MBTPS1: variants seen among roughly 807,000 people sequenced by gnomAD.
MBTPS1 encodes membrane-bound transcription factor site-1 protease.
MBTPS1 carries 94 observed loss-of-function variants against 127.8 expected under a neutral mutation model. The observed-to-expected ratio is 0.74, with a 90% CI of 0.62 to 0.87. MBTPS1 has a LOEUF of 0.87. MBTPS1 is among the 40% of genes least tolerant of loss of function. The probability of loss-of-function intolerance (pLI) is 0.00; values close to 1 mark genes in which losing one functional copy is unlikely to be tolerated. For synonymous variants in MBTPS1, 632 were observed against 509.4 expected, an observed-to-expected ratio of 1.24 and a Z score of -3.24; for missense variants, 1,636 against 1,353.2, an observed-to-expected ratio of 1.21 and a Z score of -3.28.
chr16:84,104,098 T>C (rs1269957199), intron 1 of MBTPS1, among the ~76,000 whole-genome samples: 2 of 152,192 alleles, frequency 1.3e-5, no homozygotes, highest in South Asian at 2.1e-4. Context: ...ACATGAAGCA[T>C]GTATCTAGCT....
intron 2 of MBTPS1, among the ~76,000 whole-genome samples, chr16:84,100,052 G>A (rs891298520): frequency 6.6e-6 from 1 of 152,162 alleles, no homozygotes; most frequent in Non-Finnish European, 1.5e-5. Context: ...TCAAACTTTA[G>A]AACATAAACA....
intron 2 of MBTPS1, 68 bp downstream of exon 2, chr16:84,101,553 A>G: frequency 7.3e-7 from 1 of 1,364,390 alleles, no homozygotes; most frequent in Non-Finnish European, 1.0e-6. Context: ...AGCAATAGCT[A>G]ATTTTATATT....
chr16:84,094,810 C>T (rs1417535698), intron 4 of MBTPS1, among the ~76,000 whole-genome samples: 1 of 151,900 alleles, frequency 6.6e-6, no homozygotes, highest in African/African-American at 2.4e-5. Flanking sequence ...AATGCCAGTC[C>T]ACCGGGTATT....
At chr16:84,082,892 G>A (rs1399828702) in intron 10 of MBTPS1, among the ~76,000 whole-genome samples, 1 of 152,186 alleles carries the variant, frequency 6.6e-6, no homozygotes, top group African/African-American at 2.4e-5. Flanking sequence ...GCTGGAGCTC[G>A]GGAGGCCCGC....
At chr16:84,114,989 C>A (rs1010625855) in intron 1 of MBTPS1, among the ~76,000 whole-genome samples, 9 of 151,802 alleles carry the variant, frequency 5.9e-5, no homozygotes, top group African/African-American at 2.2e-4. Flanking sequence ...AATGCAGCGG[C>A]GTGATCTTGG....
chr16:84,113,125 C>A lies in MBTPS1; in HGVS notation c.-325+3610G>T, dbSNP rs150595390. On this transcript the variant is annotated intron_variant, in intron 1 of 22. Transcript: ENST00000343411. ...CTACAAATTGTTCTCAAAGATCTGTCTACAGCTACTTGCCAGCCTAAGGAA... is the reference window on the plus strand; with the variant it reads ...CTACAAATTGTTCTCAAAGATCTGTATACAGCTACTTGCCAGCCTAAGGAA... Among the ~76,000 whole-genome samples the A allele has an allele frequency of 1.4e-3, 207 of 152,208 alleles. 3 individuals carry two copies. The East Asian group carries it at 0.037, about 27-fold the overall frequency.
At chr16:84,085,910 T>C (rs1468221820) in intron 9 of MBTPS1, 1 of 152,148 alleles carries the variant, frequency 6.6e-6, no homozygotes, top group African/African-American at 2.4e-5. Context: ...TATGAGTGGA[T>C]GTTTCAAACG....
At chr16:84,112,373 A>G (rs973441015) in intron 1 of MBTPS1, among the ~76,000 whole-genome samples, 5 of 152,150 alleles carry the variant, frequency 3.3e-5, no homozygotes, top group African/African-American at 1.2e-4. Context: ...GTATTTTTAA[A>G]AACTTTTCAA....
chr16:84,068,764 T>C (rs1274464150), intron 14 of MBTPS1, among the ~76,000 whole-genome samples: 2 of 152,208 alleles, frequency 1.3e-5, no homozygotes, highest in African/African-American at 4.8e-5. Context: ...TTCAAGTAAA[T>C]TGCTGGCAAC....
intron 2 of MBTPS1, among the ~76,000 whole-genome samples, chr16:84,099,847 G>A (rs962694638): frequency 5.9e-5 from 9 of 151,298 alleles, no homozygotes; most frequent in Non-Finnish European, 8.8e-5. Context: ...CCAGATACCC[G>A]TGATATTTTT....
chr16:84,054,816 TAA>T (rs1376803914), intron 22 of MBTPS1, among the ~76,000 whole-genome samples, 171 bp from the exon 23 acceptor site: 1 of 152,166 alleles, frequency 6.6e-6, no homozygotes, highest in Non-Finnish European at 1.5e-5. Flanking sequence ...AGGCTATTAA[TAA>T]AGAGTGGATG....
At chr16:84,098,395 G>C (rs886177806) in intron 3 of MBTPS1, among the ~76,000 whole-genome samples, 2 of 152,220 alleles carry the variant, frequency 1.3e-5, no homozygotes, top group Non-Finnish European at 2.9e-5. Flanking sequence ...CAGATCACCT[G>C]AGGTCAGGAG....
At chr16:84,070,153 T>C (rs540311405) in intron 13 of MBTPS1, 115 bp from the exon 14 acceptor site, 12 of 869,656 alleles carry the variant, frequency 1.4e-5, no homozygotes, top group Non-Finnish European at 1.9e-5. Flanking sequence ...ACACAAGAAT[T>C]TCCAATAACA....
intron 11 of MBTPS1, among the ~76,000 whole-genome samples, chr16:84,077,664 TTC>T (rs756827179): frequency 1.1e-4 from 17 of 152,178 alleles, no homozygotes; most frequent in Non-Finnish European, 1.5e-4. Flanking sequence ...ACAGGTGAAT[TTC>T]TCTTTTACCT....
rs1016870645 is a variant in MBTPS1 at position 84,090,860 on chromosome 16, G to C, written c.1031+15C>G. On this transcript the variant is annotated intron_variant, in intron 8 of 22. Coordinates refer to ENST00000343411, the MANE Select transcript of MBTPS1 (RefSeq NM_003791.4). ...GGAAAAAATCCCCGAGGTCATCCCT[G>C]CTGGGGCTACTTACCCATAAAGAGG... The C allele has an allele frequency of 6.2e-7, 1 of 1,600,912 alleles. No homozygotes were observed. The highest frequency in any genetic ancestry group is 8.5e-7 in the Non-Finnish European group (1 of 1,170,726).
intron 3 of MBTPS1, among the ~76,000 whole-genome samples, 190 bp downstream of exon 3, chr16:84,098,863 T>G (rs1478620257): frequency 6.6e-6 from 1 of 152,056 alleles, no homozygotes; most frequent in Non-Finnish European, 1.5e-5. Flanking sequence ...AAAATAATTC[T>G]GCCCCCCCAA....
intron 11 of MBTPS1, chr16:84,075,021 C>T (rs933884902): frequency 1.2e-5 from 3 of 243,032 alleles, no homozygotes; most frequent in Non-Finnish European, 2.4e-5. Flanking sequence ...AGAATGAGTA[C>T]GTGACCAGCC....
intron 15 of MBTPS1, 75 bp downstream of exon 15, chr16:84,068,264 T>A (rs1255859554): frequency 2.0e-5 from 20 of 1,021,816 alleles, no homozygotes; most frequent in Non-Finnish European, 1.4e-5. Context: ...AAAACTGGGA[T>A]TCACTCCTCA....
Position 84,066,585 on chromosome 16 carries a change from C to G in MBTPS1, c.2257G>C (p.Ala753Pro). Residue 753 changes from alanine (A) to proline (P), a missense_variant, in exon 17 of 23, where the codon GCT (alanine) becomes CCT (proline). Ala to Pro is a conservative substitution (Grantham distance 27). Coordinates refer to ENST00000343411, the MANE Select transcript of MBTPS1 (RefSeq NM_003791.4). ...AGCTCATTCAGAGCTGGGATGTTAG[C>G]TCCTCCGGTATCCGGCATCCACCAC... ...RQWWMPDTGG[A>P]NIPALNELLS... 6.2e-7 allele frequency: 1 copy of G among 1,614,180 alleles called. No homozygotes were observed. The highest frequency in any genetic ancestry group is 8.5e-7 in the Non-Finnish European group (1 of 1,180,010).
Sources: gnomAD v4.1 joint callset for allele counts (sites outside exome capture counted in the v4.1 genomes callset) on GRCh38, gnomAD v4.1.1 for gene constraint, MANE v1.5 for transcripts, NCBI Gene and HGNC (gene_info 2026-07-23, HGNC 2026-07-21) for gene names.